Variants in PRAMEF11 observed in about 807,000 individuals in gnomAD.
The protein encoded by PRAMEF11 is PRAME family member 11.
In PRAMEF11, 17 loss-of-function variants were observed where a neutral mutation model predicts 33.6. That is an observed-to-expected ratio of 0.51 (90% CI 0.35 to 0.76). The LOEUF is 0.76. Ranked by LOEUF, PRAMEF11 falls within the 30% of genes least tolerant of loss-of-function variation. PRAMEF11 has a pLI of 0.01. For missense variants in PRAMEF11, 568 were observed against 567.0 expected (o/e 1.00, Z -0.02); for synonymous variants, 205 against 227.3 (o/e 0.90, Z 0.88).
Position 12,827,405 on chromosome 1 carries a change from A to G in PRAMEF11, c.719T>C (p.Val240Ala). 6.2e-7 allele frequency: 1 copy of G among 1,606,072 alleles called. No individual in the cohort carries two copies. Among genetic ancestry groups the G allele is most frequent in the Non-Finnish European group, 8.5e-7 (1 of 1,177,954 alleles). The change falls in exon 3 of 4, where the codon GTT becomes GCT. Residue 240 changes from valine (V) to alanine (A), a missense_variant. Transcript: ENST00000619922. ...LGHLRNLQKL[V>A]LSHMDVSRYV... ...GCGAGAGACATCCATGTGGGAGAGA[A>G]CGAGCTTCTGAAGATTCCTCAAGTG...
Position 12,831,361 on chromosome 1 carries a change from C to G in PRAMEF11, c.-22G>C, listed in dbSNP as rs918813859. 1 of 149,618 alleles carries G rather than the reference C, an allele frequency of 6.7e-6. No homozygotes were observed. The highest frequency in any genetic ancestry group is 2.4e-5 in the African/African-American group (1 of 41,092). 9.3% of individuals were successfully genotyped at this position (149,618 alleles called of 1,614,324 possible). On this transcript the variant is annotated 5_prime_UTR_variant, in exon 1 of 4. Coordinates refer to ENST00000619922, the MANE Select transcript of PRAMEF11 (RefSeq NM_001146344.3). ...TACAGAAATTAGTGACTTACCAGAT[C>G]TGGATGTAGTCTAGAAGGTGCTCAG...
chr1:12,828,823 C>G lies in PRAMEF11; in HGVS notation c.-16-18G>C. ...AGGGAAAACTTCCAGAGGACAAACCCAGAGAAAAGGCATCACTCTCAGGCC... is the reference window on the plus strand; with the variant it reads ...AGGGAAAACTTCCAGAGGACAAACCGAGAGAAAAGGCATCACTCTCAGGCC... On this transcript the variant is annotated intron_variant, in intron 1 of 3. Transcript: ENST00000619922. The G allele has an allele frequency of 6.2e-7, 1 of 1,607,910 alleles. No homozygotes were observed. Among genetic ancestry groups the G allele is most frequent in the Non-Finnish European group, 8.5e-7 (1 of 1,177,312 alleles).
chr1:12,828,280 C>T (rs2100344045), intron 2 of PRAMEF11, among the ~76,000 whole-genome samples: 1 of 148,376 alleles, frequency 6.7e-6, no homozygotes, highest in Middle Eastern at 3.5e-3. Flanking sequence ...TCTCACTTTT[C>T]ATGGTGCCTT....
chr1:12,826,983 C>A (rs1278037279), intron 3 of PRAMEF11, among the ~76,000 whole-genome samples: 1 of 151,086 alleles, frequency 6.6e-6, no homozygotes, highest in Non-Finnish European at 1.5e-5. Flanking sequence ...GAAAGGCACC[C>A]TCACTAGATC....
intron 3 of PRAMEF11, among the ~76,000 whole-genome samples, chr1:12,826,447 A>G (rs1160371199): frequency 6.6e-6 from 1 of 151,176 alleles, no homozygotes; most frequent in Non-Finnish European, 1.5e-5. Flanking sequence ...TCACTTCCCT[A>G]CTTCACATCA....
At position 12,830,667 on chromosome 1, in the gene PRAMEF11, T is replaced by C. The variant is rs1480831222; in HGVS notation, c.-17+689A>G. On this transcript the variant is annotated intron_variant, in intron 1 of 3. Coordinates refer to ENST00000619922, the MANE Select transcript of PRAMEF11 (RefSeq NM_001146344.3). ...CCAAATAGCTGGGACTACAGATGCA[T>C]GTCACCATGCTCGGCTAATTAAAAA... Among the ~76,000 whole-genome samples, 95 of 150,178 alleles carry C rather than the reference T, an allele frequency of 6.3e-4. 3 individuals are homozygous for C. The highest frequency in any genetic ancestry group is 1.3e-3 in the Non-Finnish European group (87 of 67,468).
rs1272444157 is a variant in PRAMEF11, at chr1:12,828,720, C to CT, written c.69dup (p.Ala24SerfsTer29). Reference sequence around the variant, plus strand: ...TCCTCCAGGGTGGAGACGGCCAAGGCTTGGTCCCTCAGCAGGCTCCGCCCC... The same window carrying CT: ...TCCTCCAGGGTGGAGACGGCCAAGGCTTTGGTCCCTCAGCAGGCTCCGCCCC... On this transcript the variant is annotated frameshift_variant, in exon 2 of 4. Transcript: ENST00000619922. LOFTEE classifies it high-confidence loss of function. 1 of 1,610,340 alleles carries CT rather than the reference C, an allele frequency of 6.2e-7. No homozygotes were observed. Among genetic ancestry groups the CT allele is most frequent in the Non-Finnish European group, 8.5e-7 (1 of 1,178,060 alleles).
chr1:12,827,820 G>C lies in PRAMEF11; in HGVS notation c.304C>G (p.Leu102Val). 1 of 1,607,230 alleles carries C rather than the reference G, an allele frequency of 6.2e-7. No homozygotes were observed. Among genetic ancestry groups the C allele is most frequent in the Non-Finnish European group, 8.5e-7 (1 of 1,177,784 alleles). ...TQGVRPRRWK[L>V]QVLDLQDVCE... ...ACATCCTGTAAATCCAGCACTTGAA[G>C]TTTCCATCTCCTGTGGGAAAATAGA... The change falls in exon 3 of 4, where the codon CTT (leucine) becomes GTT (valine). Residue 102 changes from leucine to valine, a missense_variant. Physicochemically the swap from Leu to Val is conservative, Grantham distance 32. This residue lies in a region of PRAMEF11 where 342 missense variants were observed against 312.0 expected (regional missense o/e 1.10). Coordinates refer to ENST00000619922, the MANE Select transcript of PRAMEF11 (RefSeq NM_001146344.3).
At chr1:12,828,284 G>C (rs763281454) in intron 2 of PRAMEF11, among the ~76,000 whole-genome samples, 24 of 148,272 alleles carry the variant, frequency 1.6e-4, no homozygotes, top group African/African-American at 3.5e-4. Flanking sequence ...ACTTTTCATG[G>C]TGCCTTTCAG....
chr1:12,827,845 A>C lies in PRAMEF11; in HGVS notation c.294-15T>G, dbSNP rs1042539354. The C allele has an allele frequency of 2.5e-6, 4 of 1,606,104 alleles. No homozygotes were observed. Among genetic ancestry groups the C allele is most frequent in the African/African-American group, 2.7e-5 (2 of 74,566 alleles). On this transcript the variant is annotated splice_polypyrimidine_tract_variant and intron_variant, in intron 2 of 3. Transcript: ENST00000619922. ...GTTTCCATCTCCTGTGGGAAAATAGAGGTGAGACTGAGAATTTAAGAACTC... is the reference window on the plus strand; with the variant it reads ...GTTTCCATCTCCTGTGGGAAAATAGCGGTGAGACTGAGAATTTAAGAACTC...
In PRAMEF11 at chr1:12,828,239, T is replaced by A. The variant is rs373344183; in HGVS notation, c.293+258A>T. Among the ~76,000 whole-genome samples the A allele has an allele frequency of 6.2e-4, 91 of 146,536 alleles. 1 individual carries two copies. Among genetic ancestry groups the A allele is most frequent in the African/African-American group, 2.1e-3 (82 of 39,028 alleles). Reference sequence around the variant, plus strand: ...ACCTCAGCCTCCCAATGGGCTGGGATTACATTGTGAGCCACCGTGCCCGGC... The same window carrying A: ...ACCTCAGCCTCCCAATGGGCTGGGAATACATTGTGAGCCACCGTGCCCGGC... On this transcript the variant is annotated intron_variant, in intron 2 of 3. Coordinates refer to ENST00000619922, the MANE Select transcript of PRAMEF11 (RefSeq NM_001146344.3).
chr1:12,831,320 C>G (rs1197482811), intron 1 of PRAMEF11, 36 bp downstream of exon 1: 1 of 151,088 alleles, frequency 6.6e-6, no homozygotes, highest in Non-Finnish European at 1.5e-5. Flanking sequence ...GACTGTAGGT[C>G]AGATGGGAGT....
At position 12,825,010 on chromosome 1, in the gene PRAMEF11, T is replaced by C. The variant is rs775102833; in HGVS notation, c.1369A>G (p.Thr457Ala). The C allele has an allele frequency of 1.9e-6, 3 of 1,609,716 alleles. No individual in the cohort carries two copies. The highest frequency in any genetic ancestry group is 1.7e-6 in the Non-Finnish European group (2 of 1,177,760). Residue 457 changes from threonine to alanine, a missense_variant, in exon 4 of 4, where the codon ACT becomes GCT. By Grantham distance (58) the Thr-to-Ala change is moderately conservative. Coordinates refer to ENST00000619922, the MANE Select transcript of PRAMEF11 (RefSeq NM_001146344.3). ...LRHPKRILFC[T>A]DNCPDHGDRS... ...TCGCCATGGTCAGGGCAGTTGTCAGTACAGAACAAGATCCTCTTGGGGTGC... is the reference window on the plus strand; with the variant it reads ...TCGCCATGGTCAGGGCAGTTGTCAGCACAGAACAAGATCCTCTTGGGGTGC...
At chr1:12,828,930 C>A in intron 1 of PRAMEF11, 125 bp from the exon 2 acceptor site, 1 of 1,359,494 alleles carries the variant, frequency 7.4e-7, no homozygotes. Context: ...TACTCCAATT[C>A]TACTCTGTAC....
At chr1:12,827,131 T>C (rs1639885683) in intron 3 of PRAMEF11, 118 bp downstream of exon 3, 3 of 1,565,722 alleles carry the variant, frequency 1.9e-6, no homozygotes, top group Non-Finnish European at 2.6e-6. Flanking sequence ...TGCATGGACA[T>C]TCTAGTGTCC....
intron 1 of PRAMEF11, among the ~76,000 whole-genome samples, chr1:12,830,395 C>G (rs753937712): frequency 7.9e-5 from 12 of 151,362 alleles, no homozygotes; most frequent in Non-Finnish European, 1.6e-4. Context: ...TCAAGCAATT[C>G]TCATGCTTCA....
At chr1:12,826,955 A>T (rs191606137) in intron 3 of PRAMEF11, among the ~76,000 whole-genome samples, 2 of 150,264 alleles carry the variant, frequency 1.3e-5, no homozygotes, top group Non-Finnish European at 3.0e-5. Context: ...TTAGACACAC[A>T]TCCTCAGGAA....
chr1:12,830,825 C>T (rs1305492250), intron 1 of PRAMEF11, among the ~76,000 whole-genome samples: 2 of 150,604 alleles, frequency 1.3e-5, no homozygotes, highest in Non-Finnish European at 3.0e-5. Context: ...CCCACCTCTA[C>T]TAAAAATACA....
Position 12,825,088 on chromosome 1 carries a change from T to C in PRAMEF11, c.1291A>G (p.Ser431Gly), listed in dbSNP as rs1169703101. The C allele has an allele frequency of 6.2e-7, 1 of 1,609,672 alleles. No homozygotes were observed. The highest frequency in any genetic ancestry group is 8.5e-7 in the Non-Finnish European group (1 of 1,177,742). The change falls in exon 4 of 4, where the codon AGC (serine) becomes GGC (glycine). Residue 431 changes from serine (S) to glycine (G), a missense_variant. Ser to Gly is a moderately conservative substitution (Grantham distance 56, BLOSUM62 0). Coordinates refer to ENST00000619922, the MANE Select transcript of PRAMEF11 (RefSeq NM_001146344.3). Reference sequence around the variant, plus strand: ...TCAGCCCTAATTTGAGCAAATCTGCTCCAGCAGAGAGTACCATCAGCACCA... The same window carrying C: ...TCAGCCCTAATTTGAGCAAATCTGCCCCAGCAGAGAGTACCATCAGCACCA... Reference protein sequence around the residue: ...SYGADGTLCWSRFAQIRAELM... With the variant: ...SYGADGTLCWGRFAQIRAELM...
Sources: allele counts gnomAD v4.1 joint callset (sites outside exome capture counted in the v4.1 genomes callset), GRCh38; gene constraint gnomAD v4.1.1; regional missense constraint gnomAD v4.1.1; transcripts MANE v1.5; gene names NCBI Gene and HGNC (gene_info 2026-07-23, HGNC 2026-07-21).